The following ARHGEF1 variants were observed in gnomAD, a reference collection of about 807,000 sequenced individuals.
The protein encoded by ARHGEF1 is Rho guanine nucleotide exchange factor 1.
A neutral mutation model predicts 119.7 loss-of-function variants in ARHGEF1; 40 were observed. That is an observed-to-expected ratio of 0.33 (90% CI 0.26 to 0.44). The LOEUF is 0.44. Among genes scored for constraint, ARHGEF1 ranks in the 20% least tolerant of loss-of-function variants. ARHGEF1 has a pLI of 1.00. For missense variants in ARHGEF1, 976 were observed against 1,268.3 expected, an observed-to-expected ratio of 0.77 and a Z score of 3.50; for synonymous variants, 494 against 521.0, an observed-to-expected ratio of 0.95 and a Z score of 0.71.
At position 41,896,713 on chromosome 19, in the gene ARHGEF1, T is replaced by C; in HGVS notation, c.1121+231T>C. On this transcript the variant is annotated intron_variant, in intron 13 of 28. Transcript: ENST00000354532. ...TTATCCTTCCTTTTTCCTCTGCTCC[T>C]TCCTCTCCTTCCTTTTTTCACTAAT... 4.4e-6 allele frequency: 3 copies of C among 676,640 alleles called. No individual in the cohort carries two copies. The East Asian group carries it at 8.5e-5, about 19-fold the overall frequency. 41.9% of individuals were successfully genotyped at this position (676,640 alleles called of 1,614,324 possible). A position where few individuals can be genotyped will look rare whatever the true frequency, so the allele number is the denominator to read the frequency against.
Position 41,916,908 on chromosome 19 carries a change from G to T in ARHGEF1, c.1866-6184G>T, listed in dbSNP as rs1555852004. On this transcript the variant is annotated intron_variant, in intron 18 of 20. Transcript: ENST00000599589. This position sits in a 1 kb window ranked among gnomAD's most constrained non-coding sequence, Gnocchi z 5.4. ...CACACTGGGTAGGGGTGGGCACTCA[G>T]AGATGACCCCAACCCAAGGCCCCTG... Among the ~76,000 whole-genome samples, 2 of 152,092 alleles carry T rather than the reference G, an allele frequency of 1.3e-5. No homozygotes were observed. Among genetic ancestry groups the T allele is most frequent in the Non-Finnish European group, 2.9e-5 (2 of 68,020 alleles).
chr19:41,911,327 C>A (rs1555851228), downstream of ARHGEF1, among the ~76,000 whole-genome samples: 1 of 152,226 alleles, frequency 6.6e-6, no homozygotes, highest in Non-Finnish European at 1.5e-5. Flanking sequence ...CCTCAGAGAC[C>A]CCAGACCCAG....
chr19:41,893,018 G>A (rs1362438837), intron 7 of ARHGEF1, among the ~76,000 whole-genome samples, 169 bp downstream of exon 7: 2 of 152,120 alleles, frequency 1.3e-5, no homozygotes, highest in African/African-American at 2.4e-5. Flanking sequence ...CCTTGAATCC[G>A]AGTCTTCCCT....
downstream of ARHGEF1, chr19:41,908,454 G>C: frequency 8.1e-7 from 1 of 1,231,378 alleles, no homozygotes; most frequent in Non-Finnish European, 1.0e-6. The surrounding 1 kb of genome is among the most constrained non-coding windows in gnomAD (Gnocchi z 6.7). Context: ...CTCCCCTGTC[G>C]AGGCCAGCAG....
upstream of ARHGEF1, chr19:41,923,019 C>T (rs953863601): frequency 1.0e-5 from 4 of 396,308 alleles, no homozygotes; most frequent in Non-Finnish European, 2.0e-5. Flanking sequence ...AGGGAAGAGG[C>T]GGGAGGGGGC....
At chr19:41,898,112 A>C in intron 13 of ARHGEF1, 1 of 1,377,718 alleles carries the variant, frequency 7.3e-7, no homozygotes. Flanking sequence ...CCGACGAGCC[A>C]CGTATGTCAA....
chr19:41,896,299 C>T (rs941106291), intron 12 of ARHGEF1, 78 bp from the exon 13 acceptor site: 23 of 698,624 alleles, frequency 3.3e-5, no homozygotes, highest in South Asian at 2.2e-4. Flanking sequence ...CTTTAGCCCC[C>T]GCAATTCCAG....
In ARHGEF1 at chr19:41,898,599, C is replaced by G. The variant is rs1555848474; in HGVS notation, c.1267+12C>G. On this transcript the variant is annotated intron_variant, in intron 14 of 28. Transcript: ENST00000354532. ...GGAGGTCATCAGCGGTGAGTACTGCCCCCATCACCCCACTGTGGCCAAGGA... is the reference window on the plus strand; with the variant it reads ...GGAGGTCATCAGCGGTGAGTACTGCGCCCATCACCCCACTGTGGCCAAGGA... 1.3e-6 allele frequency: 2 copies of G among 1,581,600 alleles called. No homozygotes were observed. Among genetic ancestry groups the G allele is most frequent in the South Asian group, 2.3e-5 (2 of 86,316 alleles).
Position 41,894,313 on chromosome 19 carries a change from C to G in ARHGEF1, c.744+7C>G, listed in dbSNP as rs782517739. ...GAACTTCTTCCGGAAAAAGGTGCTT[C>G]CCTCAGTGCCCCGTCCTGACCCTTT... On this transcript the variant is annotated splice_region_variant and intron_variant, in intron 9 of 28. Coordinates refer to ENST00000354532, the MANE Select transcript of ARHGEF1 (RefSeq NM_004706.4). The G allele has an allele frequency of 3.2e-6, 5 of 1,544,464 alleles. No individual in the cohort carries two copies. The highest frequency in any genetic ancestry group is 4.4e-6 in the Non-Finnish European group (5 of 1,140,580).
downstream of ARHGEF1, chr19:41,909,840 T>A: frequency 6.3e-7 from 1 of 1,582,156 alleles, no homozygotes; most frequent in Non-Finnish European, 8.6e-7. The surrounding 1 kb of genome is among the most constrained non-coding windows in gnomAD (Gnocchi z 5.2). Flanking sequence ...CAAGGTGGGA[T>A]CCAGCCCCAA....
At position 41,904,525 on chromosome 19, in the gene ARHGEF1, G is replaced by A; in HGVS notation, c.2161+142G>A. The A allele has an allele frequency of 9.5e-7, 1 of 1,055,728 alleles. No individual in the cohort carries two copies. The highest frequency in any genetic ancestry group is 1.3e-6 in the Non-Finnish European group (1 of 751,230). The allele number at this position is 1,055,728 out of a possible 1,614,324, so 65.4% of individuals were successfully genotyped here. On this transcript the variant is annotated intron_variant, in intron 22 of 28. Coordinates refer to ENST00000354532, the MANE Select transcript of ARHGEF1 (RefSeq NM_004706.4). The surrounding 1 kb of genome is among the most constrained non-coding windows in gnomAD (Gnocchi z 8.4). ...GTTGAGAAGTAGGTGGAGGTGGGCA[G>A]GGCGGGGCCAGGCCTAGAGGGTTTA...
At chr19:41,911,106 C>G (rs1291429667), downstream of ARHGEF1, among the ~76,000 whole-genome samples, 1 of 152,162 alleles carries the variant, frequency 6.6e-6, no homozygotes, top group East Asian at 1.9e-4. Flanking sequence ...GAGCAACTTC[C>G]CAAACCTGCA....
Position 41,906,473 on chromosome 19 carries a change from G to A in ARHGEF1, c.2508G>A (p.Gln836=). The part of the protein sequence containing the change: ...TALRKVLSLK[Q]LLFPAEEDNG... ...CCTGGCCAGTGCTGTCCCTGAAGCA[G>A]CTTCTGTTTCCGGCGGAGGAAGACA... The change falls in exon 27 of 29, where the codon CAG becomes CAA. Residue 836 remains glutamine, a synonymous_variant. Coordinates refer to ENST00000354532, the MANE Select transcript of ARHGEF1 (RefSeq NM_004706.4). This position sits in a 1 kb window ranked among gnomAD's most constrained non-coding sequence, Gnocchi z 4.5. 1 of 1,574,950 alleles carries A rather than the reference G, an allele frequency of 6.3e-7. No homozygotes were observed. Among genetic ancestry groups the A allele is most frequent in the Non-Finnish European group, 8.6e-7 (1 of 1,167,816 alleles).
chr19:41,915,703 ATGTCTC>A (rs2074796611), intron 18 of ARHGEF1, among the ~76,000 whole-genome samples: 1 of 148,852 alleles, frequency 6.7e-6, no homozygotes, highest in Admixed American at 6.7e-5. Flanking sequence ...CCATGTCTCT[ATGTCTC>A]TGTCTCTGTT....
At chr19:41,894,385 G>A (rs546989400) in intron 9 of ARHGEF1, 66 bp from the exon 10 acceptor site, 51 of 1,520,542 alleles carry the variant, frequency 3.4e-5, no homozygotes, top group African/African-American at 2.4e-4. Flanking sequence ...GATACCTAGC[G>A]TCAAATTCTG....
rs1050625742 is a variant in ARHGEF1 at position 41,907,260 on chromosome 19, G to T, written c.*173G>T. ...AGCTGGGGTTACTGGCCCCGCATGA[G>T]CCTCGGCCATCTCTCCCTCCTGCCC... On this transcript the variant is annotated 3_prime_UTR_variant, in exon 29 of 29. Transcript: ENST00000354532. 8 of 1,526,012 alleles carry T rather than the reference G, an allele frequency of 5.2e-6. No homozygotes were observed. The African/African-American group carries it at 6.9e-5, about 13-fold the overall frequency. The allele number at this position is 1,526,012 out of a possible 1,614,324, so 94.5% of individuals were successfully genotyped here.
rs535938308 is a variant in ARHGEF1 at position 41,885,891 on chromosome 19, T to G, written c.-19-2173T>G. Among the ~76,000 whole-genome samples the G allele has an allele frequency of 1.2e-4, 19 of 152,298 alleles. No homozygotes were observed. The South Asian group carries it at 3.7e-3, about 30-fold the overall frequency. On this transcript the variant is annotated intron_variant, in intron 1 of 28. Transcript: ENST00000354532. ...TCTTAGCCTCCCAAGTAGCTATGAC[T>G]ACAGGCATGAACCACCACACCTGGC...
intron 11 of ARHGEF1, 75 bp downstream of exon 11, chr19:41,894,736 GAGGGAGGAGGGGC>G: frequency 6.9e-7 from 1 of 1,446,974 alleles, no homozygotes; most frequent in African/African-American, 7.1e-5. Flanking sequence ...GCCTGGGTCT[GAGGGAGGAGGGGC>G]TGGGACCTGG....
Position 41,907,436 on chromosome 19 carries a change from T to C in ARHGEF1, c.*349T>C. 1 of 1,521,614 alleles carries C rather than the reference T, an allele frequency of 6.6e-7. No homozygotes were observed. The highest frequency in any genetic ancestry group is 8.8e-7 in the Non-Finnish European group (1 of 1,139,642). The allele number at this position is 1,521,614 out of a possible 1,614,324, so 94.3% of individuals were successfully genotyped here. On this transcript the variant is annotated 3_prime_UTR_variant, in exon 29 of 29. Transcript: ENST00000354532. ...TGAATTGGAGGTTTATTTTTTAATA[T>C]ATATTATCTAAGAAGAGATCTGTGT... is the stretch of plus-strand genomic sequence containing the variant.
Sources: gnomAD v4.1 joint callset for allele counts (sites outside exome capture counted in the v4.1 genomes callset) on GRCh38, gnomAD v4.1.1 for gene constraint, Gnocchi (gnomAD v3.1) non-coding constraint, MANE v1.5 for transcripts, NCBI Gene and HGNC (gene_info 2026-07-23, HGNC 2026-07-21) for gene names.